Variants in EXOC6B observed in about 807,000 individuals in gnomAD.
EXOC6B encodes the protein SEC15 homolog B.
Under a neutral mutation model 113.5 loss-of-function variants are expected in EXOC6B, and 54 were observed. The ratio of observed to expected loss-of-function variants is 0.48; its 90% CI spans 0.38 to 0.60. The LOEUF is 0.60. Among genes scored for constraint, EXOC6B ranks in the 20% least tolerant of loss-of-function variants. EXOC6B has a pLI of 0.00. For synonymous variants in EXOC6B, 357 were observed against 339.0 expected (o/e 1.05, Z -0.58); for missense variants, 797 against 977.5 (o/e 0.82, Z 2.46).
At chr2:72,319,150 CAT>C (rs1299166377) in intron 20 of EXOC6B, among the ~76,000 whole-genome samples, 6 of 151,750 alleles carry the variant, frequency 4.0e-5, no homozygotes, top group African/African-American at 9.7e-5. Context: ...TTAGAAATAA[CAT>C]ATAAGTTTAG....
Position 72,376,329 on chromosome 2 carries a change from CAT to C in EXOC6B, c.2122+3398_2122+3399del, listed in dbSNP as rs531285940. On this transcript the variant is annotated intron_variant, in intron 19 of 21. Transcript: ENST00000272427. ...ATTTTTGAAGGATATTTTCACAAGACATAGAGTTTTCATTGACAGGTTTTGTT... is the reference window on the plus strand; with the variant it reads ...ATTTTTGAAGGATATTTTCACAAGACAGAGTTTTCATTGACAGGTTTTGTT... Among the ~76,000 whole-genome samples the C allele has an allele frequency of 5.4e-3, 815 of 152,232 alleles. 8 individuals carry two copies. The highest frequency in any genetic ancestry group is 0.019 in the African/African-American group (781 of 41,530).
Position 72,692,394 on chromosome 2 carries a change from T to C in EXOC6B, c.669+25709A>G, listed in dbSNP as rs1573632569. ...TGAGACAGAGTCTCGCTCTGTCGCCTAGGCTGGAGTGCAGTGGCACGATGT... is the reference window on the plus strand; with the variant it reads ...TGAGACAGAGTCTCGCTCTGTCGCCCAGGCTGGAGTGCAGTGGCACGATGT... On this transcript the variant is annotated intron_variant, in intron 6 of 21. Coordinates refer to ENST00000272427, the MANE Select transcript of EXOC6B (RefSeq NM_015189.3). Among the ~76,000 whole-genome samples the C allele has an allele frequency of 2.0e-5, 3 of 150,660 alleles. No individual in the cohort carries two copies. The South Asian group carries it at 6.4e-4, about 32-fold the overall frequency.
intron 1 of EXOC6B, among the ~76,000 whole-genome samples, chr2:72,762,287 T>G (rs1237399287): frequency 6.7e-6 from 1 of 149,424 alleles, no homozygotes; most frequent in Non-Finnish European, 1.5e-5. Flanking sequence ...AACCTGTGTA[T>G]AAAGTAATAC....
intron 6 of EXOC6B, among the ~76,000 whole-genome samples, chr2:72,582,145 A>G (rs545413999): frequency 6.6e-6 from 1 of 152,132 alleles, no homozygotes; most frequent in Non-Finnish European, 1.5e-5. Context: ...GGCCTTAGGG[A>G]AGGTGAAAGA....
At chr2:72,557,270 T>C (rs1394372309) in intron 8 of EXOC6B, among the ~76,000 whole-genome samples, 1 of 83,584 alleles carries the variant, frequency 1.2e-5, no homozygotes, top group Non-Finnish European at 2.2e-5. Context: ...GAAAAAAATA[T>C]AATGAAACAA....
chr2:72,604,905 A>G (rs1670655928), intron 6 of EXOC6B, among the ~76,000 whole-genome samples: 1 of 152,236 alleles, frequency 6.6e-6, no homozygotes. Flanking sequence ...TAATAATTCA[A>G]TGGTACATGT....
At chr2:72,700,038 T>C (rs551661907) in intron 6 of EXOC6B, among the ~76,000 whole-genome samples, 98 of 152,338 alleles carry the variant, frequency 6.4e-4, no homozygotes, top group Non-Finnish European at 1.1e-3. Context: ...AAATCATCTC[T>C]AGATTACCTA....
intron 20 of EXOC6B, among the ~76,000 whole-genome samples, chr2:72,298,742 A>G (rs1321771943): frequency 6.6e-6 from 1 of 152,006 alleles, no homozygotes; most frequent in Non-Finnish European, 1.5e-5. Flanking sequence ...TTCACTTATG[A>G]AGCTTAGTTT....
chr2:72,309,811 C>T (rs1366865873), intron 20 of EXOC6B, among the ~76,000 whole-genome samples: 2 of 152,138 alleles, frequency 1.3e-5, no homozygotes, highest in Non-Finnish European at 2.9e-5. Flanking sequence ...GCAGTCAGTC[C>T]TCATTCCCCT....
intron 20 of EXOC6B, among the ~76,000 whole-genome samples, chr2:72,188,227 G>A (rs1678575487): frequency 6.6e-6 from 1 of 152,240 alleles, no homozygotes; most frequent in African/African-American, 2.4e-5. Flanking sequence ...CAGCCAGCAT[G>A]ATGGCAGTGG....
intron 18 of EXOC6B, among the ~76,000 whole-genome samples, chr2:72,404,975 T>G (rs1693622939): frequency 6.6e-6 from 1 of 151,812 alleles, no homozygotes; most frequent in Non-Finnish European, 1.5e-5. Context: ...AATAGACGAA[T>G]GGCTAACTAG....
intron 1 of EXOC6B, among the ~76,000 whole-genome samples, chr2:72,784,081 C>T (rs1013094807): frequency 6.6e-5 from 10 of 152,168 alleles, no homozygotes; most frequent in African/African-American, 2.4e-4. Context: ...GTGTTCCCAG[C>T]ACTATTGATT....
At chr2:72,742,069 A>ATC (rs1456066874) in intron 1 of EXOC6B, among the ~76,000 whole-genome samples, 2 of 152,156 alleles carry the variant, frequency 1.3e-5, no homozygotes, top group Non-Finnish European at 2.9e-5. Flanking sequence ...TTACAGAAAA[A>ATC]AACAGGCACA....
chr2:72,354,563 G>A (rs1245115763), intron 19 of EXOC6B, among the ~76,000 whole-genome samples: 1 of 152,168 alleles, frequency 6.6e-6, no homozygotes, highest in Non-Finnish European at 1.5e-5. Flanking sequence ...CCAGGTATCT[G>A]GCAATGGGCT....
At chr2:72,270,571 A>G (rs775688707) in intron 20 of EXOC6B, among the ~76,000 whole-genome samples, 7 of 152,138 alleles carry the variant, frequency 4.6e-5, no homozygotes, top group Non-Finnish European at 1.0e-4. Context: ...TTTCCTACCC[A>G]TGCTATCCAG....
At chr2:72,771,346 T>C (rs1051502095) in intron 1 of EXOC6B, among the ~76,000 whole-genome samples, 2 of 152,228 alleles carry the variant, frequency 1.3e-5, no homozygotes, top group East Asian at 3.8e-4. Flanking sequence ...ATTCTCTCCC[T>C]ACATATATAT....
intron 18 of EXOC6B, among the ~76,000 whole-genome samples, chr2:72,389,970 G>A (rs955277107): frequency 6.6e-5 from 10 of 152,006 alleles, no homozygotes; most frequent in Non-Finnish European, 8.8e-5. Flanking sequence ...AGAATCTCAG[G>A]TTCAGGAAAA....
At chr2:72,824,250 G>C (rs1686767265) in intron 1 of EXOC6B, among the ~76,000 whole-genome samples, 1 of 151,942 alleles carries the variant, frequency 6.6e-6, no homozygotes, top group South Asian at 2.1e-4. Context: ...GCCAGGTGTG[G>C]TGGTGGTGCA....
At chr2:72,226,814 A>G (rs1681271801) in intron 20 of EXOC6B, among the ~76,000 whole-genome samples, 1 of 152,224 alleles carries the variant, frequency 6.6e-6, no homozygotes, top group African/African-American at 2.4e-5. Flanking sequence ...TTTTCAAGGT[A>G]CAGTATGTGA....
Sources: gnomAD v4.1 joint callset for allele counts (sites outside exome capture counted in the v4.1 genomes callset) on GRCh38, gnomAD v4.1.1 for gene constraint, MANE v1.5 for transcripts, NCBI Gene and HGNC (gene_info 2026-07-23, HGNC 2026-07-21) for gene names.